The following SYNJ1 variants were observed in gnomAD, a reference collection of about 807,000 sequenced individuals.
The protein encoded by SYNJ1 is synaptojanin 1.
In SYNJ1, 78 loss-of-function variants were observed where a neutral mutation model predicts 168.2. That is an observed-to-expected ratio of 0.46 (90% CI 0.39 to 0.56). The LOEUF is 0.56. SYNJ1 is among the 20% of genes least tolerant of loss of function. The pLI is 0.00. For missense variants in SYNJ1, 1,303 were observed against 1,597.6 expected (o/e 0.82, Z 3.14); for synonymous variants, 539 against 548.6 (o/e 0.98, Z 0.24).
chr21:32,629,543 G>A lies in SYNJ1; in HGVS notation c.*2262C>T, dbSNP rs559133139. 15 of 152,660 alleles carry A rather than the reference G, an allele frequency of 9.8e-5. No homozygotes were observed. Among genetic ancestry groups the A allele is most frequent in the African/African-American group, 1.2e-4 (5 of 41,530 alleles). 9.5% of individuals were successfully genotyped at this position (152,660 alleles called of 1,614,324 possible). Reference sequence around the variant, plus strand: ...TGTGCTTTTAACATTCTACATATTCGTAGCCATGAACGCTATTTTTTGATA... The same window carrying A: ...TGTGCTTTTAACATTCTACATATTCATAGCCATGAACGCTATTTTTTGATA... On this transcript the variant is annotated 3_prime_UTR_variant, in exon 33 of 33. Transcript: ENST00000674351.
chr21:32,727,238 A>C (rs1416897221), intron 1 of SYNJ1, among the ~76,000 whole-genome samples: 1 of 152,152 alleles, frequency 6.6e-6, no homozygotes, highest in African/African-American at 2.4e-5. Context: ...TTTCGTCCGG[A>C]GCTGTTTATC....
intron 2 of SYNJ1, among the ~76,000 whole-genome samples, chr21:32,707,827 G>T: frequency 6.6e-6 from 1 of 152,108 alleles, no homozygotes; most frequent in Non-Finnish European, 1.5e-5. Context: ...AACCAGCCTG[G>T]CCATCATGGT....
chr21:32,642,198 T>A (rs1208827255), intron 27 of SYNJ1, 65 bp from the exon 28 acceptor site: 5 of 1,574,278 alleles, frequency 3.2e-6, no homozygotes, highest in Non-Finnish European at 4.4e-6. Flanking sequence ...TTGCATAACA[T>A]CAGCTTGCTG....
chr21:32,634,962 G>A (rs1449023265), intron 31 of SYNJ1, 78 bp from the exon 32 acceptor site: 3 of 1,473,924 alleles, frequency 2.0e-6, no homozygotes, highest in Non-Finnish European at 2.8e-6. Flanking sequence ...TAACAATTCA[G>A]TCAACAAAAT....
intron 14 of SYNJ1, among the ~76,000 whole-genome samples, chr21:32,672,059 CAAAAAA>C (rs1160074724): frequency 1.6e-4 from 4 of 24,674 alleles, no homozygotes; most frequent in South Asian, 2.1e-3. Flanking sequence ...AACTCAATCT[CAAAAAA>C]AAAAAAAAAA....
chr21:32,659,423 AAAG>A (rs1186357490), intron 18 of SYNJ1, among the ~76,000 whole-genome samples: 2 of 152,240 alleles, frequency 1.3e-5, no homozygotes, highest in Non-Finnish European at 2.9e-5. Flanking sequence ...GCCTCCAAAG[AAAG>A]AAGAAGTAAA....
chr21:32,688,493 C>T, intron 6 of SYNJ1, 126 bp from the exon 7 acceptor site: 1 of 735,004 alleles, frequency 1.4e-6, no homozygotes, highest in Non-Finnish European at 2.1e-6. Context: ...AACTGATTTC[C>T]ATTCATGATA....
intron 2 of SYNJ1, among the ~76,000 whole-genome samples, chr21:32,721,405 G>A (rs988744299): frequency 3.3e-5 from 5 of 152,312 alleles, no homozygotes; most frequent in Admixed American, 6.5e-5. Flanking sequence ...AAGGCCAGGC[G>A]TGGTGGCTCA....
At chr21:32,722,208 ATAT>A (rs1569139118) in intron 2 of SYNJ1, among the ~76,000 whole-genome samples, 265 of 55,330 alleles carry the variant, frequency 4.8e-3, no homozygotes, top group African/African-American at 0.021. Context: ...AAAAAAAAAT[ATAT>A]ATATATATAT....
chr21:32,665,286 C>A (rs1240719829), intron 17 of SYNJ1, among the ~76,000 whole-genome samples: 1 of 152,176 alleles, frequency 6.6e-6, no homozygotes, highest in Non-Finnish European at 1.5e-5. Context: ...GGTAAACCTG[C>A]CTCCCATTTT....
rs370905880 is a variant in SYNJ1, at chr21:32,719,271, G to A, written c.124+7501C>T. 6.4e-4 allele frequency among the ~76,000 whole-genome samples: 98 copies of A among 152,360 alleles called. No homozygotes were observed. In the South Asian group the frequency reaches 0.02, roughly 31 times the overall value. On this transcript the variant is annotated intron_variant, in intron 2 of 32. Coordinates refer to ENST00000674351, the MANE Select transcript of SYNJ1 (RefSeq NM_203446.3). ...CAAACTATTAACCTGAGGTGCTTGA[G>A]TTGTCATATTAGATTGCAGTGCATT...
Position 32,693,254 on chromosome 21 carries a change from G to A in SYNJ1, c.789+974C>T, listed in dbSNP as rs568290860. 1.2e-4 allele frequency among the ~76,000 whole-genome samples: 18 copies of A among 152,260 alleles called. No individual in the cohort carries two copies. The South Asian group carries it at 3.5e-3, about 30-fold the overall frequency. ...TGTTGATCATGAAAGCGTAGGAGAA[G>A]TGGGGTTCTGTTGGCATTCTCTCCT... On this transcript the variant is annotated intron_variant, in intron 6 of 32. Transcript: ENST00000674351.
intron 18 of SYNJ1, among the ~76,000 whole-genome samples, chr21:32,660,434 C>T (rs1376899797): frequency 6.6e-6 from 1 of 152,240 alleles, no homozygotes; most frequent in African/African-American, 2.4e-5. Context: ...AATCCCGCCA[C>T]CCTGCTCCCA....
At chr21:32,710,800 A>G (rs2042803617) in intron 2 of SYNJ1, among the ~76,000 whole-genome samples, 1 of 152,198 alleles carries the variant, frequency 6.6e-6, no homozygotes, top group Admixed American at 6.5e-5. Context: ...TAGTAAATAT[A>G]TAATAAATTA....
rs920718078 is a variant in SYNJ1, at chr21:32,629,263, C to T, written c.*2542G>A. The T allele has an allele frequency of 1.3e-5, 2 of 152,628 alleles. No homozygotes were observed. Among genetic ancestry groups the T allele is most frequent in the Non-Finnish European group, 2.9e-5 (2 of 68,036 alleles). The allele number at this position is 152,628 out of a possible 1,614,324, so 9.5% of individuals were successfully genotyped here. On this transcript the variant is annotated 3_prime_UTR_variant, in exon 33 of 33. Coordinates refer to ENST00000674351, the MANE Select transcript of SYNJ1 (RefSeq NM_203446.3). ...TACACTAGTCACATGGATGTTAAAG[C>T]CACAGTTTCAACAAGTTAATTCACA...
rs560935986 is a variant in SYNJ1, at chr21:32,693,410, C to CT, written c.789+817dup. Among the ~76,000 whole-genome samples, 428 of 152,300 alleles carry CT rather than the reference C, an allele frequency of 2.8e-3. 1 individual carries two copies. Among genetic ancestry groups the CT allele is most frequent in the African/African-American group, 9.8e-3 (408 of 41,564 alleles). On this transcript the variant is annotated intron_variant, in intron 6 of 32. Transcript: ENST00000674351. ...GTGTTAATCCTTGTTAACTCTTAGA[C>CT]TGTCTTAAATAAAATGTTACTAAAA...
chr21:32,671,213 GGGAGGA>G (rs1450924181), intron 14 of SYNJ1, among the ~76,000 whole-genome samples: 1 of 152,008 alleles, frequency 6.6e-6, no homozygotes, highest in East Asian at 1.9e-4. Context: ...AGGCTGAGGA[GGGAGGA>G]TCTCTTGAGC....
rs2043542916 is a variant in SYNJ1, at chr21:32,727,865, A to G, written c.-23+81T>C. ...TCCCGCTGACGCTGCGGAGGCAGAGACTGGTCTTGGAGGCGTCCGCCCGCC... is the reference window on the plus strand; with the variant it reads ...TCCCGCTGACGCTGCGGAGGCAGAGGCTGGTCTTGGAGGCGTCCGCCCGCC... On this transcript the variant is annotated intron_variant, in intron 1 of 32. Transcript: ENST00000674351. 5 of 1,517,334 alleles carry G rather than the reference A, an allele frequency of 3.3e-6. No individual in the cohort carries two copies. The South Asian group carries it at 6.1e-5, about 18-fold the overall frequency. The allele number at this position is 1,517,334 out of a possible 1,614,324, so 94.0% of individuals were successfully genotyped here.
intron 2 of SYNJ1, among the ~76,000 whole-genome samples, chr21:32,717,980 T>C (rs2043084135): frequency 6.6e-6 from 1 of 152,232 alleles, no homozygotes; most frequent in African/African-American, 2.4e-5. Context: ...TTCCCTTCTC[T>C]CAGGGGTCAG....
Sources: gnomAD v4.1 joint callset for allele counts (sites outside exome capture counted in the v4.1 genomes callset) on GRCh38, gnomAD v4.1.1 for gene constraint, MANE v1.5 for transcripts, NCBI Gene and HGNC (gene_info 2026-07-23, HGNC 2026-07-21) for gene names.